The following MLLT10 variants were observed in gnomAD, a reference collection of about 807,000 sequenced individuals.
MLLT10 encodes protein AF-10.
Under a neutral mutation model 129.1 loss-of-function variants are expected in MLLT10, and 30 were observed. The observed-to-expected ratio is 0.23, with a 90% CI of 0.17 to 0.32. The LOEUF (loss-of-function observed/expected upper bound fraction) is 0.32, where lower values mean the gene tolerates loss of function less well. Among genes scored for constraint, MLLT10 ranks in the 10% least tolerant of loss-of-function variants. The probability of loss-of-function intolerance (pLI) is 1.00; values close to 1 mark genes in which losing one functional copy is unlikely to be tolerated. For missense variants in MLLT10, 1,119 were observed against 1,268.3 expected, an observed-to-expected ratio of 0.88 and a Z score of 1.79; for synonymous variants, 490 against 446.4, an observed-to-expected ratio of 1.10 and a Z score of -1.23.
Position 21,669,632 on chromosome 10 carries a change from C to T in MLLT10, c.796-817C>T, listed in dbSNP as rs562177634. 2.6e-5 allele frequency among the ~76,000 whole-genome samples: 4 copies of T among 152,210 alleles called. No individual in the cohort carries two copies. In the East Asian group the frequency reaches 7.7e-4, roughly 29 times the overall value. On this transcript the variant is annotated intron_variant, in intron 9 of 22. Transcript: ENST00000307729. ...TAATGGCAACATCAAAATCTTTGCC[C>T]TTATGGACTTTATAAACCTTTGATT... is the stretch of plus-strand genomic sequence containing the variant.
chr10:21,735,911 C>T (rs567802166), intron 21 of MLLT10, among the ~76,000 whole-genome samples: 3 of 152,190 alleles, frequency 2.0e-5, no homozygotes, highest in Non-Finnish European at 4.4e-5. Context: ...AATGGAAAGC[C>T]ACTGGCGAGT....
At chr10:21,628,402 G>A (rs1037809288) in intron 8 of MLLT10, among the ~76,000 whole-genome samples, 2 of 151,422 alleles carry the variant, frequency 1.3e-5, no homozygotes, top group Non-Finnish European at 2.9e-5. Flanking sequence ...GTCATTTAAA[G>A]GCCAGACTAA....
intron 2 of MLLT10, 24 bp from the exon 3 acceptor site, chr10:21,538,809 T>A (rs1422929261): frequency 6.4e-7 from 1 of 1,566,962 alleles, no homozygotes; most frequent in Non-Finnish European, 8.8e-7. Context: ...TCTTAACATT[T>A]TAACACATTT....
intron 9 of MLLT10, among the ~76,000 whole-genome samples, chr10:21,667,280 A>T (rs1304539263): frequency 6.6e-6 from 1 of 151,834 alleles, no homozygotes; most frequent in African/African-American, 2.4e-5. Flanking sequence ...GTTTTTAAAG[A>T]TAAGCAATTT....
chr10:21,724,222 G>A (rs1040627495), intron 14 of MLLT10, among the ~76,000 whole-genome samples: 1 of 152,214 alleles, frequency 6.6e-6, no homozygotes, highest in Non-Finnish European at 1.5e-5. Flanking sequence ...ACACATTAAA[G>A]TGTGAACTAT....
chr10:21,671,826 G>T (rs1043804552), intron 10 of MLLT10, among the ~76,000 whole-genome samples: 1 of 152,050 alleles, frequency 6.6e-6, no homozygotes, highest in Admixed American at 6.6e-5. Flanking sequence ...GGTGATGTCT[G>T]CCTGTGGCCC....
intron 10 of MLLT10, among the ~76,000 whole-genome samples, chr10:21,671,454 C>A (rs1296093291): frequency 6.6e-6 from 1 of 152,088 alleles, no homozygotes; most frequent in Non-Finnish European, 1.5e-5. Context: ...CCAGCTTGGG[C>A]AATGTGGTAA....
intron 8 of MLLT10, among the ~76,000 whole-genome samples, chr10:21,623,871 C>G (rs1029654768): frequency 6.6e-6 from 1 of 152,084 alleles, no homozygotes; most frequent in Non-Finnish European, 1.5e-5. Context: ...TTTGCAGTAA[C>G]TGATAGTGGT....
chr10:21,686,620 G>C (rs779899367), intron 13 of MLLT10, among the ~76,000 whole-genome samples: 11 of 152,096 alleles, frequency 7.2e-5, no homozygotes, highest in Non-Finnish European at 1.2e-4. Context: ...TAAGTCCTAA[G>C]ATCCTCTCTG....
intron 3 of MLLT10, 103 bp from the exon 4 acceptor site, chr10:21,586,191 A>T: frequency 3.4e-6 from 3 of 890,354 alleles, no homozygotes; most frequent in Non-Finnish European, 5.3e-6. Flanking sequence ...AACTAGGACA[A>T]ATGCTGCTCT....
intron 13 of MLLT10, among the ~76,000 whole-genome samples, chr10:21,685,059 G>A (rs1466134240): frequency 2.6e-5 from 4 of 151,686 alleles, no homozygotes; most frequent in Non-Finnish European, 5.9e-5. Context: ...GTTCTCATAT[G>A]TGATGTTCTA....
At chr10:21,717,503 C>T (rs1302973575) in intron 14 of MLLT10, among the ~76,000 whole-genome samples, 3 of 82,802 alleles carry the variant, frequency 3.6e-5, no homozygotes, top group African/African-American at 1.4e-4. Flanking sequence ...CCTCCTCCTC[C>T]TCCTCCTCCT....
intron 16 of MLLT10, among the ~76,000 whole-genome samples, chr10:21,729,036 T>C (rs1429788717): frequency 6.6e-6 from 1 of 152,070 alleles, no homozygotes; most frequent in Admixed American, 6.6e-5. Context: ...AGTGATGCCT[T>C]TTTTTCTGTA....
At chr10:21,709,681 C>T (rs1269653721) in intron 13 of MLLT10, among the ~76,000 whole-genome samples, 1 of 152,220 alleles carries the variant, frequency 6.6e-6, no homozygotes, top group Non-Finnish European at 1.5e-5. Flanking sequence ...TAAATAATCA[C>T]TGCATTAACA....
At chr10:21,652,588 A>G (rs751871718) in intron 9 of MLLT10, among the ~76,000 whole-genome samples, 4 of 152,222 alleles carry the variant, frequency 2.6e-5, no homozygotes, top group Non-Finnish European at 4.4e-5. Context: ...GACAGAATAA[A>G]TAAGTTGGGA....
chr10:21,670,974 A>C (rs2051337380), intron 10 of MLLT10: 2 of 309,178 alleles, frequency 6.5e-6, no homozygotes, highest in Admixed American at 4.6e-5. Flanking sequence ...TAATGCTTAA[A>C]ATTGGGGAGA....
intron 8 of MLLT10, chr10:21,625,675 CTTA>C (rs1021834977): frequency 3.1e-5 from 24 of 764,540 alleles, no homozygotes; most frequent in Non-Finnish European, 5.4e-5. Flanking sequence ...TTTCTTTAGT[CTTA>C]TTCTTCAGAA....
intron 8 of MLLT10, chr10:21,625,957 TC>T: frequency 1.2e-6 from 1 of 820,220 alleles, no homozygotes; most frequent in Non-Finnish European, 2.2e-6. Context: ...CTGTTCCAAT[TC>T]TAGGTTGCAC....
At chr10:21,603,607 C>G (rs778833353) in intron 5 of MLLT10, among the ~76,000 whole-genome samples, 2 of 152,078 alleles carry the variant, frequency 1.3e-5, no homozygotes, top group African/African-American at 2.4e-5. Flanking sequence ...AGCTCATAGC[C>G]AATTTTTCAT....
Sources: allele counts gnomAD v4.1 joint callset (sites outside exome capture counted in the v4.1 genomes callset), GRCh38; gene constraint gnomAD v4.1.1; transcripts MANE v1.5; gene names NCBI Gene and HGNC (gene_info 2026-07-23, HGNC 2026-07-21).